The following TNKS2 variants were observed in gnomAD, a reference collection of about 807,000 sequenced individuals.
The protein encoded by TNKS2 is tankyrase 2, also known as poly [ADP-ribose] polymerase tankyrase-2.
A neutral mutation model predicts 137.6 loss-of-function variants in TNKS2; 72 were observed. That is an observed-to-expected ratio of 0.52 (90% CI 0.43 to 0.64). The LOEUF is 0.64. TNKS2 is among the 30% of genes least tolerant of loss of function. The probability of loss-of-function intolerance (pLI) is 0.00; values close to 1 mark genes in which losing one functional copy is unlikely to be tolerated. For missense variants in TNKS2, 1,049 were observed against 1,410.2 expected (o/e 0.74, Z 4.10); for synonymous variants, 516 against 512.1 (o/e 1.01, Z -0.10).
chr10:91,819,399 A>G, intron 4 of TNKS2, 83 bp from the exon 5 acceptor site: 5 of 1,348,790 alleles, frequency 3.7e-6, no homozygotes, highest in Non-Finnish European at 5.0e-6. Context: ...TTTAAAAAGA[A>G]TTTTTTTTTA....
At chr10:91,841,513 TA>T in intron 15 of TNKS2, 65 bp downstream of exon 15, 1 of 1,322,418 alleles carries the variant, frequency 7.6e-7, no homozygotes, top group Non-Finnish European at 1.0e-6. Flanking sequence ...GTTTTCTAAA[TA>T]ATTCTAGTAT....
intron 23 of TNKS2, among the ~76,000 whole-genome samples, chr10:91,856,192 C>T (rs1322421642): frequency 1.3e-5 from 2 of 152,106 alleles, no homozygotes; most frequent in Non-Finnish European, 2.9e-5. Flanking sequence ...TGACTGCTGT[C>T]TTACTGATTT....
At chr10:91,860,523 C>T (rs1842825651) in intron 25 of TNKS2, among the ~76,000 whole-genome samples, 1 of 152,076 alleles carries the variant, frequency 6.6e-6, no homozygotes, top group Non-Finnish European at 1.5e-5. Context: ...AGAAAAAAAC[C>T]CCTAGAGCAG....
chr10:91,807,167 A>C, intron 1 of TNKS2: 2 of 1,598,962 alleles, frequency 1.3e-6, no homozygotes. Flanking sequence ...CAAAGTCTTC[A>C]TTTCAAACCA....
intron 11 of TNKS2, among the ~76,000 whole-genome samples, chr10:91,832,472 GTT>G (rs11392641): frequency 6.1e-5 from 9 of 148,496 alleles, no homozygotes; most frequent in South Asian, 2.1e-4. Flanking sequence ...TACCCAAATA[GTT>G]TTTTTTTTTT....
intron 2 of TNKS2, among the ~76,000 whole-genome samples, chr10:91,813,918 T>C (rs1018233326): frequency 2.6e-5 from 4 of 152,226 alleles, no homozygotes; most frequent in African/African-American, 9.6e-5. Context: ...GCCAGTCATA[T>C]AAACGTATAG....
intron 18 of TNKS2, among the ~76,000 whole-genome samples, chr10:91,846,552 C>G (rs898907083): frequency 1.3e-5 from 2 of 152,206 alleles, no homozygotes; most frequent in South Asian, 4.1e-4. Flanking sequence ...GAAGCAGATG[C>G]CTCTCTTGCC....
In TNKS2 at chr10:91,833,930, A is replaced by G; in HGVS notation, c.1353A>G (p.Leu451=). The G allele has an allele frequency of 1.2e-6, 2 of 1,613,718 alleles. No homozygotes were observed. The highest frequency in any genetic ancestry group is 1.3e-5 in the African/African-American group (1 of 74,980). Residue 451 remains leucine, a synonymous_variant, in exon 12 of 27, where the codon CTA becomes CTG. Coordinates refer to ENST00000371627, the MANE Select transcript of TNKS2 (RefSeq NM_025235.4). ...AYCGHLQTCR[L]LLSYGCDPNI... ...GTGGTCATCTACAAACCTGCCGCCTACTCCTGAGCTATGGGTGTGATCCTA... is the reference window on the plus strand; with the variant it reads ...GTGGTCATCTACAAACCTGCCGCCTGCTCCTGAGCTATGGGTGTGATCCTA...
At chr10:91,800,228 C>T (rs1223999106) in intron 1 of TNKS2, among the ~76,000 whole-genome samples, 5 of 152,020 alleles carry the variant, frequency 3.3e-5, no homozygotes, top group African/African-American at 1.2e-4. Context: ...CCTTTTTGCC[C>T]GAAATTTCGG....
At chr10:91,798,926 C>T in intron 1 of TNKS2, 37 bp downstream of exon 1, 3 of 1,335,854 alleles carry the variant, frequency 2.2e-6, no homozygotes, top group African/African-American at 1.5e-5. Flanking sequence ...TCGCTCCAGA[C>T]CCCACCTGCG....
chr10:91,806,268 C>T (rs1049344234), intron 1 of TNKS2, among the ~76,000 whole-genome samples: 7 of 152,000 alleles, frequency 4.6e-5, no homozygotes, highest in African/African-American at 1.7e-4. Flanking sequence ...TATCAAATAT[C>T]GTACTTCTAG....
In TNKS2 at chr10:91,864,888, T is replaced by G. The variant is rs1279117425; in HGVS notation, c.*1889T>G. On this transcript the variant is annotated 3_prime_UTR_variant, in exon 27 of 27. Coordinates refer to ENST00000371627, the MANE Select transcript of TNKS2 (RefSeq NM_025235.4). Reference sequence around the variant, plus strand: ...ATATTACTCACCCTATGAGTGAATCTGGAATTGCTTTTCATGTGAAATCAT... The same window carrying G: ...ATATTACTCACCCTATGAGTGAATCGGGAATTGCTTTTCATGTGAAATCAT... 6.6e-6 allele frequency: 1 copy of G among 152,648 alleles called. No homozygotes were observed. The highest frequency in any genetic ancestry group is 1.5e-5 in the Non-Finnish European group (1 of 68,042). 9.5% of individuals were successfully genotyped at this position (152,648 alleles called of 1,614,324 possible).
chr10:91,851,824 A>C (rs1409397886), intron 21 of TNKS2, among the ~76,000 whole-genome samples: 3 of 152,230 alleles, frequency 2.0e-5, no homozygotes, highest in Admixed American at 2.0e-4. Flanking sequence ...GAAATTGAAC[A>C]AAACAAAGTT....
chr10:91,817,682 A>G (rs1235131861), intron 3 of TNKS2, among the ~76,000 whole-genome samples: 1 of 152,186 alleles, frequency 6.6e-6, no homozygotes, highest in Non-Finnish European at 1.5e-5. Context: ...TGCTTTCAAA[A>G]AACACTGGCC....
At chr10:91,827,673 G>C (rs1289645733) in intron 8 of TNKS2, among the ~76,000 whole-genome samples, 1 of 152,156 alleles carries the variant, frequency 6.6e-6, no homozygotes, top group African/African-American at 2.4e-5. Context: ...TAACCACCTA[G>C]TTTGGATATG....
chr10:91,817,370 G>C (rs1844738738), intron 3 of TNKS2, 141 bp downstream of exon 3: 1 of 524,052 alleles, frequency 1.9e-6, no homozygotes, highest in South Asian at 3.1e-5. Context: ...TCTACGTCTA[G>C]ATAGCTGACA....
At position 91,827,240 on chromosome 10, in the gene TNKS2, A is replaced by G. The variant is rs778345198; in HGVS notation, c.982+37A>G. 10 of 1,386,518 alleles carry G rather than the reference A, an allele frequency of 7.2e-6. No homozygotes were observed. The South Asian group carries it at 1.7e-4, about 24-fold the overall frequency. 85.9% of individuals were successfully genotyped at this position (1,386,518 alleles called of 1,614,324 possible). A position where few individuals can be genotyped will look rare whatever the true frequency, so the allele number is the denominator to read the frequency against. On this transcript the variant is annotated intron_variant, in intron 8 of 26. Coordinates refer to ENST00000371627, the MANE Select transcript of TNKS2 (RefSeq NM_025235.4). ...ATTATGAATGTTCAGGTAGGATATT[A>G]TATCAATAAACTGAACATTTTTTCT...
chr10:91,808,410 A>G (rs1473105324), intron 1 of TNKS2, among the ~76,000 whole-genome samples: 3 of 152,146 alleles, frequency 2.0e-5, no homozygotes, highest in African/African-American at 7.2e-5. Flanking sequence ...GGGCCAGTTC[A>G]TGAAGGAGCT....
intron 21 of TNKS2, among the ~76,000 whole-genome samples, chr10:91,854,245 C>G (rs1313380352): frequency 2.0e-5 from 3 of 151,996 alleles, no homozygotes; most frequent in African/African-American, 4.8e-5. Context: ...GAAAGGGCTG[C>G]GTAGTTAGTA....
Sources: gnomAD v4.1 joint callset for allele counts (sites outside exome capture counted in the v4.1 genomes callset) on GRCh38, gnomAD v4.1.1 for gene constraint, MANE v1.5 for transcripts, NCBI Gene and HGNC (gene_info 2026-07-23, HGNC 2026-07-21) for gene names.